The following DMD variants were observed in gnomAD, a reference collection of about 807,000 sequenced individuals.
The protein encoded by DMD is mutant dystrophin.
A neutral mutation model predicts 330.1 loss-of-function variants in DMD; 63 were observed. The ratio of observed to expected loss-of-function variants is 0.19; its 90% CI spans 0.16 to 0.24. DMD has a LOEUF of 0.24. DMD is among the 10% of genes least tolerant of loss of function. DMD has a pLI of 1.00. For missense variants in DMD, 3,344 were observed against 2,684.1 expected, an observed-to-expected ratio of 1.25 and a Z score of -5.43; for synonymous variants, 1,223 against 959.8, an observed-to-expected ratio of 1.27 and a Z score of -5.07.
chrX:32,699,012 G>C (rs954091324), intron 8 of DMD, 100 bp downstream of exon 8: 12 of 719,247 alleles, frequency 1.7e-5, no homozygotes, highest in Non-Finnish European at 2.6e-5. Context: ...ATATACACGT[G>C]TATATACATA....
chrX:32,328,745 G>C (rs1487968830), intron 41 of DMD, among the ~76,000 whole-genome samples: 1 of 109,330 alleles, frequency 9.1e-6, no homozygotes, highest in Non-Finnish European at 1.9e-5. Context: ...ACTTTTTCTA[G>C]TAAAGGACAT....
intron 13 of DMD, among the ~76,000 whole-genome samples, 199 bp downstream of exon 13, chrX:32,595,558 G>A (rs182691503): frequency 7.2e-5 from 8 of 111,468 alleles, no homozygotes; most frequent in East Asian, 2.8e-4. Context: ...TTACCCATCC[G>A]CAGTTAGTTA....
intron 2 of DMD, among the ~76,000 whole-genome samples, chrX:32,944,195 C>G (rs1436561325): frequency 8.9e-6 from 1 of 112,232 alleles, no homozygotes; most frequent in African/African-American, 3.2e-5. Context: ...TAAAATTAGG[C>G]AATGCATTTA....
At chrX:31,179,896 A>G (rs1248518864) in intron 69 of DMD, among the ~76,000 whole-genome samples, 2 of 111,955 alleles carry the variant, frequency 1.8e-5, no homozygotes, top group African/African-American at 6.5e-5. Context: ...GTAAATGCCT[A>G]GCATTTAGTA....
At chrX:32,424,033 T>C (rs1044479308) in intron 29 of DMD, among the ~76,000 whole-genome samples, 3 of 111,139 alleles carry the variant, frequency 2.7e-5, no homozygotes, top group Non-Finnish European at 5.7e-5. Flanking sequence ...GAGTTTATTA[T>C]CTATGTGTAA....
At chrX:31,815,808 T>C (rs1308905534) in intron 50 of DMD, among the ~76,000 whole-genome samples, 1 of 111,604 alleles carries the variant, frequency 9.0e-6, no homozygotes, top group Non-Finnish European at 1.9e-5. Flanking sequence ...TTAGCAGAAG[T>C]AACCTACACG....
At chrX:32,684,684 TTTATA>T (rs1172519729) in intron 9 of DMD, among the ~76,000 whole-genome samples, 16 of 111,406 alleles carry the variant, frequency 1.4e-4, no homozygotes, top group Non-Finnish European at 2.5e-4. Context: ...AATTTGATTG[TTTATA>T]TTATATTTTT....
chrX:32,666,386 T>A (rs1217473883), intron 9 of DMD, among the ~76,000 whole-genome samples: 1 of 110,292 alleles, frequency 9.1e-6, no homozygotes, highest in Non-Finnish European at 1.9e-5. Context: ...GGCGATGGTG[T>A]GTGATGTTCC....
intron 44 of DMD, among the ~76,000 whole-genome samples, chrX:32,161,071 T>A (rs1040480260): frequency 2.7e-5 from 3 of 111,798 alleles, no homozygotes; most frequent in Non-Finnish European, 5.6e-5. Flanking sequence ...GCTTGTTTTA[T>A]TCTTGCTTCC....
chrX:32,946,907 G>T (rs1357777870), intron 2 of DMD, among the ~76,000 whole-genome samples: 1 of 111,977 alleles, frequency 8.9e-6, no homozygotes, highest in Non-Finnish European at 1.9e-5. Flanking sequence ...CTAGGCATCT[G>T]TAAGTTTTAA....
chrX:32,498,091 G>A (rs1311674080), intron 19 of DMD, among the ~76,000 whole-genome samples: 2 of 111,053 alleles, frequency 1.8e-5, no homozygotes, highest in Non-Finnish European at 3.8e-5. Flanking sequence ...ACAGCTACAT[G>A]AATATATAAA....
At chrX:31,779,416 G>T (rs1055220620) in intron 50 of DMD, among the ~76,000 whole-genome samples, 5 of 111,532 alleles carry the variant, frequency 4.5e-5, no homozygotes, top group Middle Eastern at 4.8e-3. Flanking sequence ...AGCTGGCTCT[G>T]GTATTAGCTG....
intron 2 of DMD, among the ~76,000 whole-genome samples, chrX:32,949,372 A>AGATAGATG (rs2091068183): frequency 1.9e-5 from 2 of 107,673 alleles, no homozygotes; most frequent in Non-Finnish European, 3.8e-5. Context: ...ATAGATAGAT[A>AGATAGATG]GATAGATAGA....
intron 1 of DMD, among the ~76,000 whole-genome samples, chrX:33,181,373 C>A (rs2049996129): frequency 1.8e-5 from 2 of 111,320 alleles, no homozygotes; most frequent in African/African-American, 6.5e-5. Context: ...GTCTCTATAT[C>A]AGTCGATGGG....
At chrX:32,505,241 G>A (rs1227489196) in intron 18 of DMD, among the ~76,000 whole-genome samples, 1 of 111,966 alleles carries the variant, frequency 8.9e-6, no homozygotes, top group Non-Finnish European at 1.9e-5. Flanking sequence ...AAAGCCACAG[G>A]CTCAAAGAAA....
At chrX:33,047,067 T>C (rs1009072118) in intron 1 of DMD, among the ~76,000 whole-genome samples, 4 of 111,977 alleles carry the variant, frequency 3.6e-5, no homozygotes, top group South Asian at 7.5e-4. Flanking sequence ...GGTACTTCTC[T>C]TGACCCTATT....
chrX:33,327,946 T>C (rs990825092), intron 1 of DMD, among the ~76,000 whole-genome samples: 3 of 111,805 alleles, frequency 2.7e-5, no homozygotes, highest in African/African-American at 9.7e-5. Flanking sequence ...TAAAAATAAA[T>C]AGTAAATATT....
chrX:32,558,677 C>T (rs1338101940), intron 16 of DMD, among the ~76,000 whole-genome samples: 2 of 111,299 alleles, frequency 1.8e-5, no homozygotes, highest in Non-Finnish European at 3.8e-5. Flanking sequence ...ATTTAGAACT[C>T]GATGGCCACT....
At chrX:32,806,328 T>TAAA (rs200644852) in intron 7 of DMD, among the ~76,000 whole-genome samples, 45 of 107,714 alleles carry the variant, frequency 4.2e-4, no homozygotes, top group African/African-American at 1.5e-3. Context: ...AACAAAGATT[T>TAAA]AAAAAAAACA....
Sources: gnomAD v4.1 joint callset for allele counts (sites outside exome capture counted in the v4.1 genomes callset) on GRCh38, gnomAD v4.1.1 for gene constraint, MANE v1.5 for transcripts, NCBI Gene and HGNC (gene_info 2026-07-23, HGNC 2026-07-21) for gene names.